The following SH3GLB1 variants were observed in gnomAD, a reference collection of about 807,000 sequenced individuals.
The protein encoded by SH3GLB1 is SH3 domain containing GRB2 like, endophilin B1, also known as endophilin-B1.
Under a neutral mutation model 42.0 loss-of-function variants are expected in SH3GLB1, and 17 were observed. The observed-to-expected ratio is 0.40, with a 90% CI of 0.28 to 0.61. The LOEUF (loss-of-function observed/expected upper bound fraction) is 0.61, where lower values mean the gene tolerates loss of function less well. Ranked by LOEUF, SH3GLB1 falls within the 20% of genes least tolerant of loss-of-function variation. SH3GLB1 has a pLI of 0.36. For missense variants in SH3GLB1, 355 were observed against 426.3 expected, an observed-to-expected ratio of 0.83 and a Z score of 1.47; for synonymous variants, 132 against 146.6, an observed-to-expected ratio of 0.90 and a Z score of 0.72.
chr1:86,712,252 G>A (rs996456814), intron 1 of SH3GLB1, among the ~76,000 whole-genome samples: 1 of 152,096 alleles, frequency 6.6e-6, no homozygotes, highest in East Asian at 1.9e-4. Flanking sequence ...TGAATATCTT[G>A]TAGAAAGCAG....
At chr1:86,709,850 G>GC (rs1310134134) in intron 1 of SH3GLB1, among the ~76,000 whole-genome samples, 9 of 152,076 alleles carry the variant, frequency 5.9e-5, no homozygotes, top group Admixed American at 5.9e-4. Flanking sequence ...ATTTATTTCA[G>GC]CAAGTGTCAT....
chr1:86,746,712 A>G lies in SH3GLB1; in HGVS notation c.*3477A>G, dbSNP rs972077366. Reference sequence around the variant, plus strand: ...GGGAAACCCTGTCTCTACTGAAAATATAAAAATTAGCCGGGCATGGTGGCG... The same window carrying G: ...GGGAAACCCTGTCTCTACTGAAAATGTAAAAATTAGCCGGGCATGGTGGCG... On this transcript the variant is annotated 3_prime_UTR_variant, in exon 9 of 9. Transcript: ENST00000370558. 3 of 152,210 alleles carry G rather than the reference A, an allele frequency of 2.0e-5. No individual in the cohort carries two copies. Among genetic ancestry groups the G allele is most frequent in the Admixed American group, 6.5e-5 (1 of 15,274 alleles). 9.4% of individuals were successfully genotyped at this position (152,210 alleles called of 1,614,324 possible).
At chr1:86,709,204 A>G (rs72959596) in intron 1 of SH3GLB1, among the ~76,000 whole-genome samples, 2,464 of 152,262 alleles carry the variant, frequency 0.016, 73 homozygotes, top group African/African-American at 0.057. Flanking sequence ...TTCTTTAATA[A>G]GTTTGTATGT....
chr1:86,725,626 A>C (rs1242631643), intron 5 of SH3GLB1, among the ~76,000 whole-genome samples: 1 of 152,144 alleles, frequency 6.6e-6, no homozygotes, highest in Non-Finnish European at 1.5e-5. Context: ...AGTCACTACC[A>C]CTGCCAACAT....
rs1266520521 is a variant in SH3GLB1 at position 86,745,696 on chromosome 1, A to C, written c.*2461A>C. On this transcript the variant is annotated 3_prime_UTR_variant, in exon 9 of 9. Coordinates refer to ENST00000370558, the MANE Select transcript of SH3GLB1 (RefSeq NM_016009.5). ...TCTTAGGTTTATTGCTTTTTATTTT[A>C]ATGGGGTTTGGTTGTTTGGGTTTTA... 6.6e-6 allele frequency: 1 copy of C among 152,040 alleles called. No individual in the cohort carries two copies. The highest frequency in any genetic ancestry group is 1.5e-5 in the Non-Finnish European group (1 of 67,994). The allele number at this position is 152,040 out of a possible 1,614,324, so 9.4% of individuals were successfully genotyped here.
At chr1:86,710,291 G>A (rs1002183678) in intron 1 of SH3GLB1, among the ~76,000 whole-genome samples, 1 of 148,770 alleles carries the variant, frequency 6.7e-6, no homozygotes, top group African/African-American at 2.5e-5. Context: ...TTGAGACGGA[G>A]TCTCGCCCTG....
Position 86,745,409 on chromosome 1 carries a change from A to G in SH3GLB1, c.*2174A>G, listed in dbSNP as rs570166444. ...CCTACCAAGTCTATAGGCCTTGCAT[A>G]TCACTGTGCACCAGAGATACCTCTT... is the stretch of plus-strand genomic sequence containing the variant. On this transcript the variant is annotated 3_prime_UTR_variant, in exon 9 of 9. Transcript: ENST00000370558. The G allele has an allele frequency of 4.6e-5, 7 of 152,308 alleles. No individual in the cohort carries two copies. Among genetic ancestry groups the G allele is most frequent in the East Asian group, 3.9e-4 (2 of 5,176 alleles). 9.4% of individuals were successfully genotyped at this position (152,308 alleles called of 1,614,324 possible). A position where few individuals can be genotyped will look rare whatever the true frequency, so the allele number is the denominator to read the frequency against.
In SH3GLB1 at chr1:86,715,710, A is replaced by G. The variant is rs760050121; in HGVS notation, c.73-14A>G. 5 of 1,569,260 alleles carry G rather than the reference A, an allele frequency of 3.2e-6. No individual in the cohort carries two copies. In the East Asian group the frequency reaches 6.8e-5, roughly 21 times the overall value. ...TTGCAGTATATTTAATTTTTGTTTT[A>G]CAATCAATAACAGTTCACAGAAGAA... On this transcript the variant is annotated splice_polypyrimidine_tract_variant and intron_variant, in intron 1 of 8. Coordinates refer to ENST00000370558, the MANE Select transcript of SH3GLB1 (RefSeq NM_016009.5).
At chr1:86,729,644 C>T (rs922386998) in intron 5 of SH3GLB1, among the ~76,000 whole-genome samples, 1 of 151,996 alleles carries the variant, frequency 6.6e-6, no homozygotes, top group African/African-American at 2.4e-5. Context: ...ATATTTACAG[C>T]TGGTCATTTT....
chr1:86,708,668 C>T (rs532164964), intron 1 of SH3GLB1, among the ~76,000 whole-genome samples: 76 of 152,144 alleles, frequency 5.0e-4, no homozygotes, highest in African/African-American at 1.7e-3. Flanking sequence ...TTTTAAGTAC[C>T]TCAAGATGGT....
chr1:86,745,649 C>T lies in SH3GLB1; in HGVS notation c.*2414C>T, dbSNP rs1656265302. On this transcript the variant is annotated 3_prime_UTR_variant, in exon 9 of 9. Transcript: ENST00000370558. ...TCTGGTACGTTTGTCTACCACAGAA[C>T]CACCACAATATATATGCTTGTTCTT... 6.6e-6 allele frequency: 1 copy of T among 152,192 alleles called. No homozygotes were observed. The highest frequency in any genetic ancestry group is 1.5e-5 in the Non-Finnish European group (1 of 68,036). The allele number at this position is 152,192 out of a possible 1,614,324, so 9.4% of individuals were successfully genotyped here.
At chr1:86,720,293 C>T (rs1654796995) in intron 3 of SH3GLB1, among the ~76,000 whole-genome samples, 1 of 152,022 alleles carries the variant, frequency 6.6e-6, no homozygotes, top group African/African-American at 2.4e-5. Flanking sequence ...TTTCTTAGGG[C>T]TTATTTTATG....
At chr1:86,738,308 C>T (rs1296594174) in intron 7 of SH3GLB1, among the ~76,000 whole-genome samples, 1 of 151,952 alleles carries the variant, frequency 6.6e-6, no homozygotes, top group African/African-American at 2.4e-5. Flanking sequence ...CTCTGTTGCC[C>T]AGGCTGGAGT....
At position 86,744,854 on chromosome 1, in the gene SH3GLB1, T is replaced by C. The variant is rs1383968504; in HGVS notation, c.*1619T>C. On this transcript the variant is annotated 3_prime_UTR_variant, in exon 9 of 9. Coordinates refer to ENST00000370558, the MANE Select transcript of SH3GLB1 (RefSeq NM_016009.5). ...CCATGAGACAAATTCTTCTGCAGTT[T>C]TATAGTTGTACAAGATGTTTTGACT... 1 of 152,204 alleles carries C rather than the reference T, an allele frequency of 6.6e-6. No individual in the cohort carries two copies. The highest frequency in any genetic ancestry group is 2.1e-4 in the South Asian group (1 of 4,830). 9.4% of individuals were successfully genotyped at this position (152,204 alleles called of 1,614,324 possible). A position where few individuals can be genotyped will look rare whatever the true frequency, so the allele number is the denominator to read the frequency against.
At position 86,737,501 on chromosome 1, in the gene SH3GLB1, C is replaced by T. The variant is rs574151572; in HGVS notation, c.761+2322C>T. ...ATGTATTTAATCCCTACTGAAGAAC[C>T]GAGTTCACTGAGGAAAGGATACTAG... On this transcript the variant is annotated intron_variant, in intron 7 of 8. Coordinates refer to ENST00000370558, the MANE Select transcript of SH3GLB1 (RefSeq NM_016009.5). Among the ~76,000 whole-genome samples the T allele has an allele frequency of 1.6e-3, 251 of 152,202 alleles. 1 individual carries two copies. The highest frequency in any genetic ancestry group is 2.6e-3 in the Non-Finnish European group (176 of 68,012).
chr1:86,710,577 A>G (rs577012076), intron 1 of SH3GLB1, among the ~76,000 whole-genome samples: 2 of 152,288 alleles, frequency 1.3e-5, no homozygotes, highest in African/African-American at 4.8e-5. Context: ...TCTTGAAAGT[A>G]TTTTTAAGGT....
intron 8 of SH3GLB1, among the ~76,000 whole-genome samples, chr1:86,742,875 C>T (rs1656124133): frequency 2.0e-5 from 3 of 152,010 alleles, no homozygotes; most frequent in Admixed American, 2.0e-4. Context: ...GTGGGAGGAT[C>T]GTTTGAACAC....
At chr1:86,715,368 G>A (rs1402743444) in intron 1 of SH3GLB1, among the ~76,000 whole-genome samples, 4 of 152,146 alleles carry the variant, frequency 2.6e-5, no homozygotes, top group African/African-American at 7.2e-5. Flanking sequence ...AGATTCAACT[G>A]ACTCAAAGCT....
At chr1:86,715,933 T>C in intron 2 of SH3GLB1, 68 bp downstream of exon 2, 1 of 1,450,080 alleles carries the variant, frequency 6.9e-7, no homozygotes, top group Non-Finnish European at 9.3e-7. Flanking sequence ...AAAAAAAAAG[T>C]TTTAATGGCC....
Sources: gnomAD v4.1 joint callset for allele counts (sites outside exome capture counted in the v4.1 genomes callset) on GRCh38, gnomAD v4.1.1 for gene constraint, MANE v1.5 for transcripts, NCBI Gene and HGNC (gene_info 2026-07-23, HGNC 2026-07-21) for gene names.